The following SAMD5 variants were observed in gnomAD, a reference collection of about 807,000 sequenced individuals.
SAMD5 encodes sterile alpha motif domain-containing protein 5.
Under a neutral mutation model 11.3 loss-of-function variants are expected in SAMD5, and 13 were observed. The ratio of observed to expected loss-of-function variants is 1.15; its 90% CI spans 0.75 to 1.83. The LOEUF is 1.83. Among genes scored for constraint, SAMD5 ranks in the 40% most tolerant of loss-of-function variants. The pLI, the probability that SAMD5 is intolerant of heterozygous loss-of-function variation, is 0.00. For missense variants in SAMD5, 255 were observed against 239.1 expected, an observed-to-expected ratio of 1.07 and a Z score of -0.44; for synonymous variants, 129 against 111.3, an observed-to-expected ratio of 1.16 and a Z score of -1.00.
At chr6:147,886,424 AAGAAG>A in the SAMD5 span, among the ~76,000 whole-genome samples, 2 of 152,134 alleles carry the variant, frequency 1.3e-5, 1 homozygote, top group South Asian at 4.2e-4. Flanking sequence ...AGTTGCTATG[AAGAAG>A]AGGAGAGAGA....
chr6:147,790,443 A>T, the SAMD5 span, among the ~76,000 whole-genome samples: 4 of 152,246 alleles, frequency 2.6e-5, no homozygotes, highest in African/African-American at 4.8e-5. Context: ...GCATCACATT[A>T]GGTAGGACTA....
chr6:147,814,480 G>A, the SAMD5 span, among the ~76,000 whole-genome samples: 1 of 152,048 alleles, frequency 6.6e-6, no homozygotes, highest in Non-Finnish European at 1.5e-5. Flanking sequence ...CTGTTGTAAA[G>A]TGTGTTAAAA....
the SAMD5 span, among the ~76,000 whole-genome samples, chr6:147,756,209 T>C: frequency 6.6e-6 from 1 of 152,158 alleles, no homozygotes; most frequent in Admixed American, 6.5e-5. Flanking sequence ...GTCAGCATAT[T>C]TGTGTCATAT....
At chr6:147,647,389 A>C (rs1790422091) in intron 1 of SAMD5, among the ~76,000 whole-genome samples, 1 of 151,562 alleles carries the variant, frequency 6.6e-6, no homozygotes, top group Non-Finnish European at 1.5e-5. Flanking sequence ...AGTTGGTGAA[A>C]CCATTCACCA....
chr6:147,564,601 G>A lies in SAMD5; in HGVS notation c.*145G>A. On this transcript the variant is annotated 3_prime_UTR_variant, in exon 2 of 2. Transcript: ENST00000367474. ...TAACTTTTTGCTTGGACAAATTCTG[G>A]AATAATCAACTTAGTAAACTGGGTA... 6.9e-7 allele frequency: 1 copy of A among 1,448,462 alleles called. No homozygotes were observed. The highest frequency in any genetic ancestry group is 9.1e-7 in the Non-Finnish European group (1 of 1,096,278). The allele number at this position is 1,448,462 out of a possible 1,614,324, so 89.7% of individuals were successfully genotyped here.
chr6:147,626,884 C>A (rs753311191), intron 1 of SAMD5, among the ~76,000 whole-genome samples: 1 of 148,272 alleles, frequency 6.7e-6, no homozygotes, highest in African/African-American at 2.5e-5. Flanking sequence ...AAATAGCACT[C>A]AAAAATATTT....
intron 1 of SAMD5, among the ~76,000 whole-genome samples, chr6:147,547,376 G>A (rs1408923625): frequency 6.6e-6 from 1 of 152,118 alleles, no homozygotes; most frequent in African/African-American, 2.4e-5. Context: ...GGAGGTTCTG[G>A]GGGCAGAATC....
chr6:147,836,760 C>T, the SAMD5 span, among the ~76,000 whole-genome samples: 1 of 152,206 alleles, frequency 6.6e-6, no homozygotes, highest in Non-Finnish European at 1.5e-5. Flanking sequence ...AAATTGTAAG[C>T]TCTTCAAACT....
chr6:147,721,862 T>A (rs1791556744), intron 1 of SAMD5, among the ~76,000 whole-genome samples: 1 of 152,238 alleles, frequency 6.6e-6, no homozygotes, highest in Admixed American at 6.5e-5. Context: ...TAATGTTGTT[T>A]TGGGTTATTT....
chr6:147,866,720 T>C, the SAMD5 span, among the ~76,000 whole-genome samples: 1 of 152,222 alleles, frequency 6.6e-6, no homozygotes, highest in Non-Finnish European at 1.5e-5. Flanking sequence ...AAATAGTCAG[T>C]AAACCCACTG....
At chr6:147,831,596 G>A in the SAMD5 span, among the ~76,000 whole-genome samples, 1 of 152,116 alleles carries the variant, frequency 6.6e-6, no homozygotes, top group Non-Finnish European at 1.5e-5. Flanking sequence ...CTGTGTTCAG[G>A]GAAACAGAGA....
At chr6:147,579,023 A>G (rs572724525) in intron 1 of SAMD5, among the ~76,000 whole-genome samples, 1 of 152,372 alleles carries the variant, frequency 6.6e-6, no homozygotes, top group South Asian at 2.1e-4. Flanking sequence ...ATATTTGACA[A>G]ATATTAAGAC....
At chr6:147,546,753 A>G (rs936659560) in intron 1 of SAMD5, among the ~76,000 whole-genome samples, 2 of 152,230 alleles carry the variant, frequency 1.3e-5, no homozygotes, top group African/African-American at 4.8e-5. Flanking sequence ...CTCTCTGAAT[A>G]TAATCATGTG....
intron 1 of SAMD5, among the ~76,000 whole-genome samples, chr6:147,559,310 G>T (rs552046713): frequency 6.6e-6 from 1 of 152,328 alleles, no homozygotes; most frequent in South Asian, 2.1e-4. Context: ...TAGCTATGCA[G>T]TTGGAAAAAT....
At chr6:147,827,914 C>T in the SAMD5 span, among the ~76,000 whole-genome samples, 3 of 151,830 alleles carry the variant, frequency 2.0e-5, no homozygotes, top group East Asian at 1.9e-4. Context: ...CTCAGCCTCC[C>T]GAGTAGCTGG....
chr6:147,657,445 A>G (rs1790587050), intron 1 of SAMD5, among the ~76,000 whole-genome samples: 1 of 152,206 alleles, frequency 6.6e-6, no homozygotes, highest in South Asian at 2.1e-4. Flanking sequence ...ATACTCCAGG[A>G]CAAACATGAG....
At chr6:147,746,640 A>G in the SAMD5 span, among the ~76,000 whole-genome samples, 1 of 152,334 alleles carries the variant, frequency 6.6e-6, no homozygotes, top group South Asian at 2.1e-4. Context: ...GCTTACAGAT[A>G]TGTCTTCATA....
the SAMD5 span, among the ~76,000 whole-genome samples, chr6:147,882,538 A>G: frequency 6.6e-6 from 1 of 152,208 alleles, no homozygotes; most frequent in South Asian, 2.1e-4. Context: ...TATGTTTGCC[A>G]CTATGAATAG....
At chr6:147,780,912 T>C in the SAMD5 span, among the ~76,000 whole-genome samples, 1 of 152,192 alleles carries the variant, frequency 6.6e-6, no homozygotes, top group African/African-American at 2.4e-5. Context: ...TCATTGTTAT[T>C]CATAAAATAT....
Sources: gnomAD v4.1 joint callset for allele counts (sites outside exome capture counted in the v4.1 genomes callset) on GRCh38, gnomAD v4.1.1 for gene constraint, MANE v1.5 for transcripts, NCBI Gene and HGNC (gene_info 2026-07-23, HGNC 2026-07-21) for gene names.